Variants in ZBED6 observed in about 807,000 individuals in gnomAD.
The protein encoded by ZBED6 is zinc finger BED-type containing 6.
In ZBED6, 40 loss-of-function variants were observed where a neutral mutation model predicts 58.4. The observed-to-expected ratio is 0.68, with a 90% CI of 0.53 to 0.89. The LOEUF (loss-of-function observed/expected upper bound fraction) is 0.89. Ranked by LOEUF, ZBED6 falls within the 40% of genes least tolerant of loss-of-function variation. The pLI is 0.00. For synonymous variants in ZBED6, 439 were observed against 350.6 expected, an observed-to-expected ratio of 1.25 and a Z score of -2.82; for missense variants, 1,057 against 1,003.9, an observed-to-expected ratio of 1.05 and a Z score of -0.71.
At chr1:203,845,051 A>G (rs940699408) in intron 11 of ZBED6, among the ~76,000 whole-genome samples, 2 of 152,124 alleles carry the variant, frequency 1.3e-5, no homozygotes, top group Non-Finnish European at 2.9e-5. Context: ...TGCTTTTAAT[A>G]TTAGTTAACC....
intron 3 of ZBED6, among the ~76,000 whole-genome samples, chr1:203,819,505 A>G (rs1003028064): frequency 1.0e-4 from 15 of 144,048 alleles, no homozygotes; most frequent in Non-Finnish European, 2.1e-4. Context: ...TACATGCGTG[A>G]GCCACCGTGC....
intron 1 of ZBED6, among the ~76,000 whole-genome samples, chr1:203,804,098 G>A (rs1671360175): frequency 6.8e-6 from 1 of 147,484 alleles, no homozygotes; most frequent in Non-Finnish European, 1.5e-5. Flanking sequence ...TTTTGGTTTT[G>A]TTTTTAATTT....
At chr1:203,805,667 T>C in intron 1 of ZBED6, 1 of 704,054 alleles carries the variant, frequency 1.4e-6, no homozygotes, top group Non-Finnish European at 2.6e-6. Flanking sequence ...CAGAACTCCA[T>C]CCTTGTTTTT....
At chr1:203,800,056 G>A (rs749876751) in exon 1 of ZBED6, 5 of 1,536,072 alleles carry the variant, frequency 3.3e-6, no homozygotes, top group Non-Finnish European at 4.4e-6. Context: ...TCTGTTGATA[G>A]CTCAGCTGTA....
At chr1:203,803,283 C>G (rs1671086373) in intron 1 of ZBED6, among the ~76,000 whole-genome samples, 1 of 152,032 alleles carries the variant, frequency 6.6e-6, no homozygotes, top group Non-Finnish European at 1.5e-5. Context: ...CCTCCTCCTC[C>G]CAGGTTCAAG....
chr1:203,831,104 C>T (rs1212237702), intron 7 of ZBED6, among the ~76,000 whole-genome samples: 1 of 151,788 alleles, frequency 6.6e-6, no homozygotes, highest in Non-Finnish European at 1.5e-5. Flanking sequence ...GCCACCACGC[C>T]TGGGTAATTT....
chr1:203,828,304 A>T, exon 4 of ZBED6: 1 of 1,614,090 alleles, frequency 6.2e-7, no homozygotes, highest in Non-Finnish European at 8.5e-7. Flanking sequence ...TACAGAAAAA[A>T]CGCAGTGAAA....
chr1:203,818,824 C>G, intron 3 of ZBED6, 135 bp downstream of exon 3: 4 of 1,367,518 alleles, frequency 2.9e-6, no homozygotes, highest in Non-Finnish European at 3.9e-6. Flanking sequence ...AGTTCCAGCA[C>G]TTTGGGAGGC....
intron 1 of ZBED6, among the ~76,000 whole-genome samples, chr1:203,815,210 TC>T (rs1675868590): frequency 3.2e-5 from 2 of 63,150 alleles, no homozygotes; most frequent in Non-Finnish European, 6.2e-5. Context: ...TTCTTCCTTT[TC>T]TTTTCTTTTT....
At chr1:203,819,101 C>T (rs1271811454) in intron 3 of ZBED6, among the ~76,000 whole-genome samples, 2 of 150,030 alleles carry the variant, frequency 1.3e-5, no homozygotes, top group African/African-American at 4.9e-5. Context: ...CACACACACA[C>T]ACACACACAC....
At chr1:203,812,476 A>C (rs532011070) in intron 1 of ZBED6, among the ~76,000 whole-genome samples, 2 of 152,010 alleles carry the variant, frequency 1.3e-5, no homozygotes, top group South Asian at 4.2e-4. Flanking sequence ...TATTGGATGC[A>C]TACTATTCCA....
chr1:203,840,449 C>T (rs1685746896), intron 11 of ZBED6, 75 bp downstream of exon 11: 1 of 1,438,264 alleles, frequency 7.0e-7, no homozygotes, highest in Non-Finnish European at 9.6e-7. Context: ...CTCAGATTTA[C>T]CTGTTGCTTG....
chr1:203,840,012 C>T (rs1360808180), intron 10 of ZBED6, among the ~76,000 whole-genome samples: 1 of 152,052 alleles, frequency 6.6e-6, no homozygotes, highest in African/African-American at 2.4e-5. Context: ...CCATGTTGGC[C>T]AGGCTGGTCT....
chr1:203,840,673 G>T (rs1379083158), intron 11 of ZBED6, among the ~76,000 whole-genome samples: 1 of 150,720 alleles, frequency 6.6e-6, no homozygotes, highest in Admixed American at 6.6e-5. Context: ...TGCTCTTGTT[G>T]CCCAGGCTGG....
intron 2 of ZBED6, 127 bp from the exon 3 acceptor site, chr1:203,818,443 G>A: frequency 1.6e-6 from 2 of 1,273,786 alleles, no homozygotes; most frequent in Non-Finnish European, 2.2e-6. Context: ...CATGTCCATT[G>A]TTTTTTACCT....
In ZBED6 at chr1:203,849,881, C is replaced by T. The variant is rs767626951; in HGVS notation, c.*4493C>T. 18 of 1,613,958 alleles carry T rather than the reference C, an allele frequency of 1.1e-5. 1 individual carries two copies. In the Admixed American group the frequency reaches 2.2e-4, roughly 19 times the overall value. On this transcript the variant is annotated 3_prime_UTR_variant, in exon 14 of 17. Coordinates refer to ENST00000550078, the Ensembl canonical transcript of ZBED6. ...CCCAAGTGGCAGAGAAACCAGTGCT[C>T]ACTGCTGTGCCAGGAATCACACGGC...
exon 1 of ZBED6, chr1:203,802,348 TG>T (rs1670775480): frequency 6.6e-6 from 1 of 152,594 alleles, no homozygotes; most frequent in Non-Finnish European, 1.5e-5. Flanking sequence ...ATTTTTATAA[TG>T]AACCCAAATC....
exon 1 of ZBED6, chr1:203,802,008 A>C (rs1670670961): frequency 1.3e-5 from 2 of 152,604 alleles, no homozygotes; most frequent in Admixed American, 6.5e-5. Context: ...TTTAATGGCA[A>C]ACCAGTGATA....
In ZBED6 at chr1:203,833,617, G is replaced by GGTTTTT. The variant is rs1301581457; in HGVS notation, c.*3511-173_*3511-168dup. The stretch of plus-strand genomic sequence containing the variant: ...TGGCTGTTTATTATTAATAGGTTTG[G>GGTTTTT]GTTTTTTTTTTTTTTTTTTGATATA... On this transcript the variant is annotated intron_variant, in intron 8 of 16. Transcript: ENST00000550078. Among the ~76,000 whole-genome samples, 22 of 72,128 alleles carry GGTTTTT rather than the reference G, an allele frequency of 3.1e-4. 1 individual carries two copies. The highest frequency in any genetic ancestry group is 6.4e-4 in the Non-Finnish European group (22 of 34,146). 47.3% of individuals were successfully genotyped at this position (72,128 alleles called of 152,430 possible).
Sources: allele counts gnomAD v4.1 joint callset (sites outside exome capture counted in the v4.1 genomes callset), GRCh38; gene constraint gnomAD v4.1.1; transcripts MANE v1.5; gene names NCBI Gene and HGNC (gene_info 2026-07-23, HGNC 2026-07-21).